The following HDAC9 variants were observed in gnomAD, a reference collection of about 807,000 sequenced individuals.
HDAC9 encodes MEF-2 interacting transcription repressor (MITR) protein.
In HDAC9, 41 loss-of-function variants were observed where a neutral mutation model predicts 139.4. The ratio of observed to expected loss-of-function variants is 0.29; its 90% CI spans 0.23 to 0.38. HDAC9 has a LOEUF of 0.38. Ranked by LOEUF, HDAC9 falls within the 10% of genes least tolerant of loss-of-function variation. The pLI, the probability that HDAC9 is intolerant of heterozygous loss-of-function variation, is 1.00. For synonymous variants in HDAC9, 517 were observed against 476.2 expected (o/e 1.09, Z -1.12); for missense variants, 1,147 against 1,297.0 (o/e 0.88, Z 1.78).
Position 18,162,634 on chromosome 7 carries a change from A to G in HDAC9, c.25+285A>G, listed in dbSNP as rs1443992280. On this transcript the variant is annotated intron_variant, in intron 2 of 12. Coordinates refer to the HDAC9 transcript ENST00000417496. ...CAGATTGAACTTTATGAAGTTATGA[A>G]TATGAACTATTATATAGGAATCCAT... The G allele has an allele frequency of 1.9e-5, 8 of 423,056 alleles. No individual in the cohort carries two copies. The East Asian group carries it at 2.4e-4, about 13-fold the overall frequency. The allele number at this position is 423,056 out of a possible 1,614,324, so 26.2% of individuals were successfully genotyped here. A position where few individuals can be genotyped will look rare whatever the true frequency, so the allele number is the denominator to read the frequency against.
At chr7:18,574,474 G>A (rs1563334975) in intron 2 of HDAC9, among the ~76,000 whole-genome samples, 1 of 152,350 alleles carries the variant, frequency 6.6e-6, no homozygotes, top group East Asian at 1.9e-4. Flanking sequence ...TTCTCACTCT[G>A]GTCCACGGAA....
At chr7:18,569,993 A>G (rs796112733) in intron 2 of HDAC9, among the ~76,000 whole-genome samples, 4 of 152,308 alleles carry the variant, frequency 2.6e-5, no homozygotes, top group Admixed American at 1.3e-4. Flanking sequence ...AAATTTATGA[A>G]TAATACACCC....
intron 24 of HDAC9, among the ~76,000 whole-genome samples, chr7:18,966,503 C>T (rs1328061643): frequency 6.6e-6 from 1 of 152,040 alleles, no homozygotes; most frequent in Non-Finnish European, 1.5e-5. Flanking sequence ...GAGTTCAAGA[C>T]CAGCCTGCCA....
rs752372154 is a variant in HDAC9 at position 18,144,851 on chromosome 7, T to C, written c.-96-17378T>C. ...CACATTCTGTTCCCTGTACCTTTTC[T>C]TCTAACCACCTTGAAGTTTCAAACT... On this transcript the variant is annotated intron_variant, in intron 1 of 12. Transcript: ENST00000417496. Among the ~76,000 whole-genome samples the C allele has an allele frequency of 5.3e-5, 8 of 152,340 alleles. No homozygotes were observed. In the South Asian group the frequency reaches 8.3e-4, roughly 16 times the overall value.
At chr7:18,568,671 A>G (rs1027354074) in intron 2 of HDAC9, among the ~76,000 whole-genome samples, 17 of 152,212 alleles carry the variant, frequency 1.1e-4, no homozygotes, top group African/African-American at 4.1e-4. Context: ...ACACTATGAT[A>G]ATTTTTAACC....
chr7:18,926,779 T>C (rs1013418028), intron 22 of HDAC9, among the ~76,000 whole-genome samples: 7 of 152,192 alleles, frequency 4.6e-5, no homozygotes, highest in Non-Finnish European at 8.8e-5. Context: ...TTTCAGACTT[T>C]TTTTAGGATA....
At position 18,762,242 on chromosome 7, in the gene HDAC9, T is replaced by C. The variant is rs764875937; in HGVS notation, c.2129T>C (p.Leu710Pro). The change falls in exon 15 of 26, where the codon CTG becomes CCG. Residue 710 changes from leucine (L) to proline (P), a missense_variant. Leu to Pro is a moderately conservative substitution (Grantham distance 98). Transcript: ENST00000686413. ...HHSLLYGTNP[L>P]DGQKLDPRIL... ...TCACTGTTGTATGGCACCAACCCCCTGGACGGACAGAAGCTGGACCCCAGG... is the reference window on the plus strand; with the variant it reads ...TCACTGTTGTATGGCACCAACCCCCCGGACGGACAGAAGCTGGACCCCAGG... The C allele has an allele frequency of 1.2e-6, 2 of 1,613,658 alleles. No individual in the cohort carries two copies. The highest frequency in any genetic ancestry group is 1.7e-5 in the Admixed American group (1 of 59,984).
chr7:18,419,404 T>G (rs755466605), intron 1 of HDAC9, among the ~76,000 whole-genome samples: 7 of 152,198 alleles, frequency 4.6e-5, no homozygotes, highest in Non-Finnish European at 1.0e-4. Flanking sequence ...TGCTCAAGGT[T>G]TCACAGCAAA....
At chr7:18,883,892 T>C (rs1159711813) in intron 22 of HDAC9, among the ~76,000 whole-genome samples, 1 of 152,142 alleles carries the variant, frequency 6.6e-6, no homozygotes, top group African/African-American at 2.4e-5. Context: ...TTCTGTATAC[T>C]AACAATGACC....
At chr7:18,212,206 G>GA (rs1362816819) in intron 2 of HDAC9, among the ~76,000 whole-genome samples, 12 of 152,010 alleles carry the variant, frequency 7.9e-5, no homozygotes, top group South Asian at 4.1e-4. Context: ...TAAATTAGAA[G>GA]AAAAAATCTT....
chr7:18,724,224 A>T (rs887582931), intron 12 of HDAC9, among the ~76,000 whole-genome samples: 5 of 152,074 alleles, frequency 3.3e-5, no homozygotes, highest in African/African-American at 1.2e-4. Context: ...TATAGCACTC[A>T]CTGTATTTAT....
At chr7:18,665,310 C>T (rs1794526940) in intron 11 of HDAC9, among the ~76,000 whole-genome samples, 1 of 152,032 alleles carries the variant, frequency 6.6e-6, no homozygotes, top group African/African-American at 2.4e-5. Flanking sequence ...TGATTTGGTC[C>T]ACAGGGCCAC....
intron 2 of HDAC9, among the ~76,000 whole-genome samples, chr7:18,570,819 G>T (rs1824043238): frequency 6.6e-6 from 1 of 152,242 alleles, no homozygotes; most frequent in Admixed American, 6.5e-5. Context: ...TTGTTATACA[G>T]TAAGTGCTGT....
intron 24 of HDAC9, among the ~76,000 whole-genome samples, chr7:18,967,597 C>CATTG (rs1252550999): frequency 6.8e-6 from 1 of 147,434 alleles, no homozygotes; most frequent in African/African-American, 2.5e-5. Context: ...TTTGGTTTTG[C>CATTG]ATTGATATAC....
At chr7:18,533,612 CT>C (rs1312712894) in intron 2 of HDAC9, among the ~76,000 whole-genome samples, 1 of 152,130 alleles carries the variant, frequency 6.6e-6, no homozygotes, top group East Asian at 1.9e-4. Flanking sequence ...CTCTTTATCT[CT>C]GTGGTTCTAA....
intron 21 of HDAC9, among the ~76,000 whole-genome samples, chr7:18,861,627 A>T (rs910423500): frequency 4.6e-5 from 7 of 152,148 alleles, no homozygotes; most frequent in Non-Finnish European, 1.0e-4. Context: ...TAGCTCAGAG[A>T]CACATTGGGC....
chr7:18,990,749 G>C (rs545155480), intron 25 of HDAC9, among the ~76,000 whole-genome samples: 2 of 152,354 alleles, frequency 1.3e-5, no homozygotes, highest in African/African-American at 4.8e-5. Flanking sequence ...ATAATCTCCT[G>C]GTGCGCCGTT....
intron 6 of HDAC9, 144 bp from the exon 7 acceptor site, chr7:18,629,206 C>T: frequency 1.6e-6 from 1 of 629,962 alleles, no homozygotes; most frequent in East Asian, 3.1e-5. Context: ...GAGTCAATGC[C>T]TCATTTATGT....
At chr7:18,196,163 C>T (rs1387719981) in intron 2 of HDAC9, among the ~76,000 whole-genome samples, 3 of 152,090 alleles carry the variant, frequency 2.0e-5, no homozygotes, top group Admixed American at 6.6e-5. Context: ...CTGGCACATA[C>T]AGATTCAAAG....
Sources: gnomAD v4.1 joint callset for allele counts (sites outside exome capture counted in the v4.1 genomes callset) on GRCh38, gnomAD v4.1.1 for gene constraint, MANE v1.5 for transcripts, NCBI Gene and HGNC (gene_info 2026-07-23, HGNC 2026-07-21) for gene names.